PCSK5: variants seen among roughly 807,000 people sequenced by gnomAD.
PCSK5 encodes the protein proprotein convertase subtilisin/kexin type 5, also known as prohormone convertase 5.
PCSK5 carries 129 observed loss-of-function variants against 233.2 expected under a neutral mutation model. That is an observed-to-expected ratio of 0.55 (90% confidence interval 0.48 to 0.64). The LOEUF is 0.64. Ranked by LOEUF, PCSK5 falls within the 30% of genes least tolerant of loss-of-function variation. PCSK5 has a pLI of 0.00. For missense variants in PCSK5, 2,076 were observed against 2,430.1 expected, an observed-to-expected ratio of 0.85 and a Z score of 3.06; for synonymous variants, 825 against 879.2, an observed-to-expected ratio of 0.94 and a Z score of 1.09.
intron 2 of PCSK5, among the ~76,000 whole-genome samples, chr9:75,934,589 ATT>A: frequency 6.8e-6 from 1 of 146,302 alleles, no homozygotes; most frequent in East Asian, 2.0e-4. Flanking sequence ...TTTTTTTTAA[ATT>A]TTTTTTTTAA....
At chr9:76,158,860 G>A (rs994761830) in intron 11 of PCSK5, 123 bp from the exon 12 acceptor site, 10 of 789,576 alleles carry the variant, frequency 1.3e-5, no homozygotes, top group Admixed American at 2.2e-5. Context: ...TGATAGCACT[G>A]TTGTTTAGTA....
intron 10 of PCSK5, among the ~76,000 whole-genome samples, chr9:76,149,336 A>C (rs1823572798): frequency 6.6e-6 from 1 of 152,194 alleles, no homozygotes; most frequent in Non-Finnish European, 1.5e-5. Flanking sequence ...GTGTAGCTGG[A>C]TGAAATAACC....
chr9:75,964,368 T>C (rs1464408365), intron 2 of PCSK5, among the ~76,000 whole-genome samples: 1 of 152,240 alleles, frequency 6.6e-6, no homozygotes, highest in Non-Finnish European at 1.5e-5. Flanking sequence ...CAGTGAATAT[T>C]TAATTGCTTG....
intron 7 of PCSK5, among the ~76,000 whole-genome samples, chr9:76,077,566 C>T (rs975426749): frequency 6.6e-6 from 1 of 152,138 alleles, no homozygotes; most frequent in Admixed American, 6.6e-5. Context: ...CCTCTCTCCC[C>T]TCCCCATAGT....
At position 76,169,699 on chromosome 9, in the gene PCSK5, T is replaced by G. The variant is rs1587711694; in HGVS notation, c.1620-5T>G. 1.2e-6 allele frequency: 2 copies of G among 1,612,668 alleles called. No homozygotes were observed. The highest frequency in any genetic ancestry group is 4.5e-5 in the East Asian group (2 of 44,800). On this transcript the variant is annotated splice_region_variant and splice_polypyrimidine_tract_variant and intron_variant, in intron 12 of 37. Transcript: ENST00000674117. ...CGCACATAACAATGTTTTGTTCACT[T>G]TCAGGCTATTTGATCACTCCATGGA...
chr9:75,937,503 GC>G (rs1179630221), intron 2 of PCSK5, among the ~76,000 whole-genome samples: 4 of 152,082 alleles, frequency 2.6e-5, no homozygotes, highest in Admixed American at 2.0e-4. Context: ...ATTCTTAAGG[GC>G]CCTAGGATTT....
At chr9:76,124,936 G>C (rs1156651326) in intron 9 of PCSK5, among the ~76,000 whole-genome samples, 1 of 151,766 alleles carries the variant, frequency 6.6e-6, no homozygotes, top group Non-Finnish European at 1.5e-5. Context: ...TTTATTGCTT[G>C]GTTGATTCCT....
intron 20 of PCSK5, among the ~76,000 whole-genome samples, chr9:76,200,122 A>C (rs1355316669): frequency 2.0e-5 from 3 of 151,638 alleles, no homozygotes; most frequent in Admixed American, 6.6e-5. Flanking sequence ...TCCTTTCCCT[A>C]ATCAGTTCCC....
chr9:75,951,868 C>CG (rs1356364126), intron 2 of PCSK5, among the ~76,000 whole-genome samples: 1 of 152,132 alleles, frequency 6.6e-6, no homozygotes, highest in African/African-American at 2.4e-5. Context: ...AAGCTACATA[C>CG]AAATACTCCT....
intron 24 of PCSK5, among the ~76,000 whole-genome samples, chr9:76,276,123 T>C (rs933653741): frequency 1.3e-5 from 2 of 152,338 alleles, no homozygotes; most frequent in East Asian, 3.9e-4. Context: ...CTCAATTTTA[T>C]TTCTTTACTT....
rs549708046 is a variant in PCSK5 at position 76,027,660 on chromosome 9, T to C, written c.632+623T>C. Among the ~76,000 whole-genome samples, 25 of 149,648 alleles carry C rather than the reference T, an allele frequency of 1.7e-4. No individual in the cohort carries two copies. The East Asian group carries it at 5.1e-3, about 30-fold the overall frequency. ...TAGTGAATGCAAATCAACATTCACA[T>C]CCATTTGATAACAGAATATTTTAAC... On this transcript the variant is annotated intron_variant, in intron 5 of 37. Transcript: ENST00000674117.
chr9:76,084,223 A>C (rs1055576776), intron 7 of PCSK5, among the ~76,000 whole-genome samples: 1 of 152,248 alleles, frequency 6.6e-6, no homozygotes, highest in African/African-American at 2.4e-5. Flanking sequence ...TTTCATAAAT[A>C]CATATGTGGT....
At chr9:76,069,276 C>T (rs1341018566) in intron 6 of PCSK5, among the ~76,000 whole-genome samples, 3 of 152,136 alleles carry the variant, frequency 2.0e-5, no homozygotes, top group African/African-American at 7.2e-5. Context: ...ATATCAGAGG[C>T]GGCCAGGTCA....
intron 12 of PCSK5, among the ~76,000 whole-genome samples, chr9:76,165,614 G>A (rs1311772827): frequency 6.6e-6 from 1 of 152,188 alleles, no homozygotes; most frequent in Admixed American, 6.5e-5. Context: ...TTCAATAACT[G>A]GATGCATAAT....
chr9:76,244,536 T>C (rs1826523353), intron 24 of PCSK5, among the ~76,000 whole-genome samples: 1 of 150,644 alleles, frequency 6.6e-6, no homozygotes, highest in Admixed American at 6.7e-5. Context: ...CTACATTATG[T>C]AATAATTAGC....
At chr9:76,358,416 T>C in intron 37 of PCSK5, 97 bp from the exon 38 acceptor site, 1 of 884,164 alleles carries the variant, frequency 1.1e-6, no homozygotes, top group Non-Finnish European at 1.7e-6. Context: ...ATTTTTAAAA[T>C]AAAGGTGAAA....
At chr9:76,209,689 T>C (rs938165024) in intron 20 of PCSK5, among the ~76,000 whole-genome samples, 1 of 152,104 alleles carries the variant, frequency 6.6e-6, no homozygotes, top group Non-Finnish European at 1.5e-5. Context: ...AAAATTACTC[T>C]TGACCTTAAA....
chr9:76,330,594 G>GA (rs1156698005), intron 33 of PCSK5, among the ~76,000 whole-genome samples: 1 of 151,442 alleles, frequency 6.6e-6, no homozygotes, highest in Admixed American at 6.6e-5. Flanking sequence ...ACAAAAAATG[G>GA]AAAAAAATTA....
In PCSK5 at chr9:76,347,763, GAA is replaced by G. The variant is rs5898474; in HGVS notation, c.4967-3050_4967-3049del. 9.5e-5 allele frequency among the ~76,000 whole-genome samples: 12 copies of G among 126,218 alleles called. 1 individual carries two copies. Among genetic ancestry groups the G allele is most frequent in the Admixed American group, 2.9e-4 (4 of 13,658 alleles). The allele number at this position is 126,218 out of a possible 152,430, so 82.8% of individuals were successfully genotyped here. A position where few individuals can be genotyped will look rare whatever the true frequency, so the allele number is the denominator to read the frequency against. On this transcript the variant is annotated intron_variant, in intron 35 of 37. Transcript: ENST00000674117. ...AAAACTCCGTCTCCAAAAATAAAAA[GAA>G]AAAAAAAAAAAAAAGAAAGAAAATG...
Sources: allele counts gnomAD v4.1 joint callset (sites outside exome capture counted in the v4.1 genomes callset), GRCh38; gene constraint gnomAD v4.1.1; transcripts MANE v1.5; gene names NCBI Gene and HGNC (gene_info 2026-07-23, HGNC 2026-07-21).